ATAD3A: variants seen among roughly 807,000 people sequenced by gnomAD.
ATAD3A encodes the protein ATPase family AAA domain containing 3A.
Under a neutral mutation model 73.8 loss-of-function variants are expected in ATAD3A, and 46 were observed. That is an observed-to-expected ratio of 0.62 (90% confidence interval 0.49 to 0.80). ATAD3A has a LOEUF of 0.80. Ranked by LOEUF, ATAD3A falls within the 30% of genes least tolerant of loss-of-function variation. ATAD3A has a pLI of 0.00. For missense variants in ATAD3A, 705 were observed against 838.0 expected, an observed-to-expected ratio of 0.84 and a Z score of 1.96; for synonymous variants, 319 against 350.0, an observed-to-expected ratio of 0.91 and a Z score of 0.99.
chr1:1,523,238 G>C lies in ATAD3A; in HGVS notation c.907-273G>C, dbSNP rs536002469. On this transcript the variant is annotated intron_variant, in intron 8 of 15. Coordinates refer to ENST00000378756, the MANE Select transcript of ATAD3A (RefSeq NM_001170535.3). This position sits in a 1 kb window ranked among gnomAD's most constrained non-coding sequence, Gnocchi z 5.1. ...CGTCTGGTGGCCTCCCTGGGGAGCC[G>C]CGCCGCTCGCCGCCCCCGAGGTGCC... Among the ~76,000 whole-genome samples the C allele has an allele frequency of 6.6e-6, 1 of 151,966 alleles. No individual in the cohort carries two copies. The highest frequency in any genetic ancestry group is 6.6e-5 in the Admixed American group (1 of 15,244).
chr1:1,524,025 T>G, intron 10 of ATAD3A, 61 bp downstream of exon 10: 2 of 1,610,502 alleles, frequency 1.2e-6, no homozygotes, highest in Non-Finnish European at 1.7e-6. Context: ...TGCCTGCAGG[T>G]GTCTGGGGGG....
intron 12 of ATAD3A, among the ~76,000 whole-genome samples, chr1:1,525,738 G>T (rs1641800817): frequency 1.3e-5 from 2 of 149,308 alleles, no homozygotes; most frequent in Admixed American, 6.6e-5. Context: ...CTAAGACAGG[G>T]TCTCTGTCGC....
intron 1 of ATAD3A, 104 bp downstream of exon 1, chr1:1,512,577 C>T (rs1056716411): frequency 2.1e-6 from 3 of 1,399,690 alleles, no homozygotes; most frequent in African/African-American, 3.0e-5. Context: ...CAGCCACTTC[C>T]CGGGCGAGAC....
At chr1:1,518,231 T>A (rs1161749877) in intron 4 of ATAD3A, among the ~76,000 whole-genome samples, 2 of 138,178 alleles carry the variant, frequency 1.4e-5, no homozygotes, top group East Asian at 4.3e-4. Flanking sequence ...GGTACGCACA[T>A]ACACCCCGCA....
At chr1:1,529,454 C>T (rs1292229971) in intron 15 of ATAD3A, 123 bp downstream of exon 15, 10 of 1,466,714 alleles carry the variant, frequency 6.8e-6, no homozygotes, top group South Asian at 2.8e-5. Context: ...GTTTTCAGTG[C>T]ACAGAGGTGA....
chr1:1,529,457 A>G (rs1353028593), intron 15 of ATAD3A, 126 bp downstream of exon 15: 2 of 1,466,590 alleles, frequency 1.4e-6, no homozygotes, highest in Non-Finnish European at 9.0e-7. Context: ...TTCAGTGCAC[A>G]GAGGTGACAC....
chr1:1,512,752 C>G, intron 1 of ATAD3A: 2 of 1,111,144 alleles, frequency 1.8e-6, no homozygotes. Flanking sequence ...TGGGGCTGGC[C>G]GTGGTCTTCA....
At chr1:1,531,909 C>G (rs1166179945) in intron 15 of ATAD3A, among the ~76,000 whole-genome samples, 4 of 151,850 alleles carry the variant, frequency 2.6e-5, no homozygotes, top group Admixed American at 2.6e-4. Flanking sequence ...CTTTGTCCTC[C>G]CAAAGTGCTG....
At chr1:1,533,156 C>T (rs1307447487) in intron 15 of ATAD3A, among the ~76,000 whole-genome samples, 20 of 152,278 alleles carry the variant, frequency 1.3e-4, no homozygotes, top group South Asian at 4.1e-4. Flanking sequence ...TGGGACGGGG[C>T]GAGGGACCCA....
At chr1:1,529,108 C>A in intron 14 of ATAD3A, 115 bp from the exon 15 acceptor site, 2 of 1,469,212 alleles carry the variant, frequency 1.4e-6, no homozygotes, top group Non-Finnish European at 1.9e-6. Context: ...AGTAGAGAGC[C>A]CCTCCAAAGA....
Position 1,523,484 on chromosome 1 carries a change from A to G in ATAD3A, c.907-27A>G. On this transcript the variant is annotated intron_variant, in intron 8 of 15. Coordinates refer to ENST00000378756, the MANE Select transcript of ATAD3A (RefSeq NM_001170535.3). This position sits in a 1 kb window ranked among gnomAD's most constrained non-coding sequence, Gnocchi z 5.1. ...TTCCGTGGCTGTGGCAGGTGACCCG[A>G]TGGCGCTTCCCCTTCCCCTCCGGCA... 1.9e-6 allele frequency: 3 copies of G among 1,607,546 alleles called. No individual in the cohort carries two copies. The highest frequency in any genetic ancestry group is 2.5e-6 in the Non-Finnish European group (3 of 1,177,622).
rs1642157946 is a variant in ATAD3A, at chr1:1,534,448, C to T, written c.*376C>T. ...AGGCAGGTGATGTCTTTGTTCTCGG[C>T]TCCCACAGCAGAGCCAGGTGAGGGG... is the stretch of plus-strand genomic sequence containing the variant. On this transcript the variant is annotated 3_prime_UTR_variant, in exon 16 of 16. Coordinates refer to ENST00000378756, the MANE Select transcript of ATAD3A (RefSeq NM_001170535.3). 1 of 1,220,258 alleles carries T rather than the reference C, an allele frequency of 8.2e-7. No homozygotes were observed. Among genetic ancestry groups the T allele is most frequent in the East Asian group, 3.1e-5 (1 of 32,514 alleles). 75.6% of individuals were successfully genotyped at this position (1,220,258 alleles called of 1,614,324 possible).
chr1:1,526,925 C>T (rs534763304), intron 13 of ATAD3A, among the ~76,000 whole-genome samples: 402 of 152,224 alleles, frequency 2.6e-3, no homozygotes, highest in African/African-American at 8.9e-3. Context: ...TTTGCTCCCA[C>T]GGGAAGTTGG....
chr1:1,523,073 A>C lies in ATAD3A; in HGVS notation c.906+174A>C, dbSNP rs866694639. 1.1e-4 allele frequency among the ~76,000 whole-genome samples: 17 copies of C among 151,826 alleles called. No individual in the cohort carries two copies. Among genetic ancestry groups the C allele is most frequent in the African/African-American group, 3.4e-4 (14 of 41,248 alleles). On this transcript the variant is annotated intron_variant, in intron 8 of 15. Transcript: ENST00000378756. The surrounding 1 kb of genome is among the most constrained non-coding windows in gnomAD (Gnocchi z 5.1). Reference sequence around the variant, plus strand: ...CTGGCGCTGTACCTTAGGGGTCTGCATCAGTGAGACCCTTCCCCTGTCTGC... The same window carrying C: ...CTGGCGCTGTACCTTAGGGGTCTGCCTCAGTGAGACCCTTCCCCTGTCTGC...
At position 1,520,401 on chromosome 1, in the gene ATAD3A, C is replaced by T. The variant is rs572156356; in HGVS notation, c.680+95C>T. The T allele has an allele frequency of 1.1e-3, 1,720 of 1,590,634 alleles. 2 individuals are homozygous for T. The highest frequency in any genetic ancestry group is 1.4e-3 in the Non-Finnish European group (1,617 of 1,165,082). On this transcript the variant is annotated intron_variant, in intron 6 of 15. Coordinates refer to ENST00000378756, the MANE Select transcript of ATAD3A (RefSeq NM_001170535.3). The surrounding 1 kb of genome is among the most constrained non-coding windows in gnomAD (Gnocchi z 4.0). ...GCTCTCCAGCTCTTCCAGGCCTTGC[C>T]GCCGTAGGCTGACTCCTTGGTGGGG...
At position 1,520,640 on chromosome 1, in the gene ATAD3A, G is replaced by A. The variant is rs778744605; in HGVS notation, c.750+23G>A. 2 of 1,613,018 alleles carry A rather than the reference G, an allele frequency of 1.2e-6. No homozygotes were observed. The highest frequency in any genetic ancestry group is 4.5e-5 in the East Asian group (2 of 44,902). ...ACGGTAAACATACTCATAAAACAGG[G>A]CTGGCAGGTGGCTGAGGGGCAGCAT... On this transcript the variant is annotated intron_variant, in intron 7 of 15. Coordinates refer to ENST00000378756, the MANE Select transcript of ATAD3A (RefSeq NM_001170535.3). The surrounding 1 kb of genome is among the most constrained non-coding windows in gnomAD (Gnocchi z 4.0).
intron 12 of ATAD3A, 22 bp downstream of exon 12, chr1:1,525,313 G>C (rs768192090): frequency 6.2e-7 from 1 of 1,613,490 alleles, no homozygotes; most frequent in Admixed American, 1.7e-5. Flanking sequence ...TAAGCCTCTG[G>C]CCACAATGGG....
chr1:1,512,336 C>G lies in ATAD3A; in HGVS notation c.68C>G (p.Pro23Arg). The G allele has an allele frequency of 8.1e-7, 1 of 1,241,422 alleles. No homozygotes were observed. Among genetic ancestry groups the G allele is most frequent in the Non-Finnish European group, 1.0e-6 (1 of 987,528 alleles). 76.9% of individuals were successfully genotyped at this position (1,241,422 alleles called of 1,614,324 possible). The stretch of plus-strand genomic sequence containing the variant: ...GGCGCGGGGCCGCCGCCGCCTTTGC[C>G]GCCCGCGCAGCCCGGGGCCGAGGGC... Reference protein sequence around the residue: ...GEGAGPPPPLPPAQPGAEGGG... With the variant: ...GEGAGPPPPLRPAQPGAEGGG... The change falls in exon 1 of 16, where the codon CCG (proline) becomes CGG (arginine). Residue 23 changes from proline to arginine, a missense_variant. Pro to Arg is a moderately radical substitution (Grantham distance 103). Around this residue, in one of 5 missense-constraint regions of ATAD3A, gnomAD observed 125 missense variants for 170.6 expected, o/e 0.73. Transcript: ENST00000378756.
intron 12 of ATAD3A, 127 bp downstream of exon 12, chr1:1,525,418 T>A: frequency 8.1e-7 from 1 of 1,230,386 alleles, no homozygotes; most frequent in Non-Finnish European, 1.1e-6. Context: ...AACAGCTTTT[T>A]TTTTTTTTTT....
Sources: allele counts gnomAD v4.1 joint callset (sites outside exome capture counted in the v4.1 genomes callset), GRCh38; gene constraint gnomAD v4.1.1; regional missense constraint gnomAD v4.1.1; non-coding constraint Gnocchi (gnomAD v3.1); transcripts MANE v1.5; gene names NCBI Gene and HGNC (gene_info 2026-07-23, HGNC 2026-07-21).